Variants in SLC2A14 observed in about 807,000 individuals in gnomAD.
SLC2A14 encodes solute carrier family 2, facilitated glucose transporter member 14.
A neutral mutation model predicts 43.0 loss-of-function variants in SLC2A14; 13 were observed. The ratio of observed to expected loss-of-function variants is 0.30; its 90% CI spans 0.20 to 0.48. The LOEUF (loss-of-function observed/expected upper bound fraction) is 0.48. SLC2A14 is among the 20% of genes least tolerant of loss of function. The pLI is 0.99. For missense variants in SLC2A14, 428 were observed against 620.4 expected, an observed-to-expected ratio of 0.69 and a Z score of 3.29; for synonymous variants, 190 against 233.8, an observed-to-expected ratio of 0.81 and a Z score of 1.71.
intron 2 of SLC2A14, among the ~76,000 whole-genome samples, chr12:7,837,900 G>C (rs1017220105): frequency 6.6e-6 from 1 of 152,010 alleles, no homozygotes; most frequent in Admixed American, 6.6e-5. Context: ...TGGGACTACA[G>C]GTGCACGCCA....
chr12:7,839,922 TACAAAAAAAAA>T (rs1865789323), intron 2 of SLC2A14: 25 of 68,560 alleles, frequency 3.6e-4, no homozygotes, highest in Middle Eastern at 6.9e-3. Flanking sequence ...ACCCTGTCTC[TACAAAAAAAAA>T]AAAAAAAAAA....
intron 2 of SLC2A14, among the ~76,000 whole-genome samples, chr12:7,839,431 A>T (rs1041121972): frequency 1.3e-5 from 2 of 152,196 alleles, no homozygotes; most frequent in Non-Finnish European, 2.9e-5. Flanking sequence ...GCAGAGTGGC[A>T]GGAGAAATGA....
At chr12:7,830,101 T>C in intron 4 of SLC2A14, 95 bp from the exon 5 acceptor site, 2 of 1,478,786 alleles carry the variant, frequency 1.4e-6, no homozygotes, top group Admixed American at 4.6e-5. Flanking sequence ...TCTCCAGGCT[T>C]ATATCAACTC....
intron 5 of SLC2A14, 125 bp from the exon 6 acceptor site, chr12:7,828,991 G>C: frequency 3.3e-6 from 4 of 1,204,638 alleles, no homozygotes; most frequent in Non-Finnish European, 4.6e-6. Flanking sequence ...GGAAGGCTGA[G>C]GCAGGTGGAT....
intron 1 of SLC2A14, chr12:7,871,814 A>T (rs1945250638): frequency 1.4e-6 from 1 of 726,084 alleles, no homozygotes; most frequent in South Asian, 6.2e-5. Flanking sequence ...GTCCCCTCTC[A>T]GAGGACAGGA....
rs1336184105 is a variant in SLC2A14, at chr12:7,883,657, G to T, written c.132+7339C>A. ...GTCACCAGGCTGGAGTGCAGTCTCG[G>T]CTCACAGCCTCTGCTTCCCAGGTTC... On this transcript the variant is annotated intron_variant, in intron 1 of 9. Transcript: ENST00000539924. 7.0e-5 allele frequency among the ~76,000 whole-genome samples: 9 copies of T among 128,008 alleles called. No individual in the cohort carries two copies. In the Admixed American group the frequency reaches 7.7e-4, roughly 11 times the overall value. 84.0% of individuals were successfully genotyped at this position (128,008 alleles called of 152,430 possible). A position where few individuals can be genotyped will look rare whatever the true frequency, so the allele number is the denominator to read the frequency against.
At chr12:7,885,352 C>G (rs1262668924) in intron 1 of SLC2A14, among the ~76,000 whole-genome samples, 2 of 152,060 alleles carry the variant, frequency 1.3e-5, no homozygotes, top group Admixed American at 6.6e-5. Flanking sequence ...GTAGTCCCAG[C>G]TACTCGGGAC....
intron 7 of SLC2A14, among the ~76,000 whole-genome samples, chr12:7,822,369 A>G (rs1863987392): frequency 6.6e-6 from 1 of 151,548 alleles, no homozygotes; most frequent in South Asian, 2.1e-4. Context: ...TACTTCACCA[A>G]CTTATATGAA....
intron 2 of SLC2A14, among the ~76,000 whole-genome samples, chr12:7,835,471 C>T (rs755376811): frequency 2.4e-4 from 37 of 152,248 alleles, no homozygotes; most frequent in African/African-American, 8.9e-4. Flanking sequence ...TGTCTGAGGT[C>T]GCTTAGTTCC....
chr12:7,863,840 C>T (rs1009640968), intron 2 of SLC2A14, among the ~76,000 whole-genome samples: 2 of 146,790 alleles, frequency 1.4e-5, no homozygotes, highest in South Asian at 2.2e-4. Context: ...TTTTTTGAGA[C>T]GGAGTCTCAC....
At chr12:7,850,285 T>C (rs1335112006) in intron 2 of SLC2A14, among the ~76,000 whole-genome samples, 1 of 152,128 alleles carries the variant, frequency 6.6e-6, no homozygotes, top group Non-Finnish European at 1.5e-5. Context: ...TACAGGAGTC[T>C]AGGAAGAGAT....
intron 2 of SLC2A14, among the ~76,000 whole-genome samples, chr12:7,836,679 C>G (rs61595687): frequency 0.12 from 18,320 of 149,048 alleles, 2,831 homozygotes; most frequent in African/African-American, 0.34. Flanking sequence ...ACTAAAGACA[C>G]AAAAAAATTA....
Position 7,886,701 on chromosome 12 carries a change from G to A in SLC2A14, c.132+4295C>T, listed in dbSNP as rs1314205295. On this transcript the variant is annotated intron_variant, in intron 1 of 9. Transcript: ENST00000539924. ...GAGGAAGGAAGGAAGACTGTTAGTTGTGAATTAAAGACTCATTGTTCAAGG... is the reference window on the plus strand; with the variant it reads ...GAGGAAGGAAGGAAGACTGTTAGTTATGAATTAAAGACTCATTGTTCAAGG... Among the ~76,000 whole-genome samples the A allele has an allele frequency of 3.9e-5, 6 of 152,140 alleles. No individual in the cohort carries two copies. In the East Asian group the frequency reaches 9.7e-4, roughly 24 times the overall value.
At chr12:7,828,965 G>A (rs1864757594) in intron 5 of SLC2A14, 99 bp from the exon 6 acceptor site, 29 of 1,432,732 alleles carry the variant, frequency 2.0e-5, no homozygotes, top group Non-Finnish European at 2.7e-5. Context: ...GCTTACGCCT[G>A]TAATTCCAGC....
chr12:7,834,643 G>T (rs752799236), intron 2 of SLC2A14, among the ~76,000 whole-genome samples: 2 of 150,882 alleles, frequency 1.3e-5, no homozygotes, highest in African/African-American at 4.9e-5. Context: ...GGGGTGGGAG[G>T]ATCACTTGAG....
At chr12:7,863,367 A>C in intron 2 of SLC2A14, 1 of 453,308 alleles carries the variant, frequency 2.2e-6, no homozygotes, top group Non-Finnish European at 4.4e-6. Flanking sequence ...TGTAACACTC[A>C]CTGCGAGGGT....
At chr12:7,827,784 G>A in intron 6 of SLC2A14, 102 bp from the exon 7 acceptor site, 4 of 1,519,826 alleles carry the variant, frequency 2.6e-6, no homozygotes, top group South Asian at 2.6e-5. Flanking sequence ...GTGAGGTGAT[G>A]GGTAGCATCC....
intron 10 of SLC2A14, among the ~76,000 whole-genome samples, chr12:7,815,144 CT>C (rs772176671): frequency 1.3e-5 from 2 of 150,950 alleles, no homozygotes; most frequent in Non-Finnish European, 2.9e-5. Flanking sequence ...GGTGTGGTGG[CT>C]CATGCCTGTA....
chr12:7,835,600 C>T (rs1216538181), intron 2 of SLC2A14, among the ~76,000 whole-genome samples: 1 of 152,158 alleles, frequency 6.6e-6, no homozygotes, highest in Non-Finnish European at 1.5e-5. Context: ...TTTCATGCAG[C>T]TTTGTGGGAT....
Sources: allele counts gnomAD v4.1 joint callset (sites outside exome capture counted in the v4.1 genomes callset), GRCh38; gene constraint gnomAD v4.1.1; transcripts MANE v1.5; gene names NCBI Gene and HGNC (gene_info 2026-07-23, HGNC 2026-07-21).